The following FIGN variants were observed in gnomAD, a reference collection of about 807,000 sequenced individuals.
FIGN encodes the protein fidgetin.
Under a neutral mutation model 51.3 loss-of-function variants are expected in FIGN, and 11 were observed. That is an observed-to-expected ratio of 0.21 (90% CI 0.13 to 0.35). FIGN has a LOEUF of 0.35. FIGN is among the 10% of genes least tolerant of loss of function. The probability of loss-of-function intolerance (pLI) is 1.00; values close to 1 mark genes in which losing one functional copy is unlikely to be tolerated. For synonymous variants in FIGN, 407 were observed against 363.2 expected (o/e 1.12, Z -1.37); for missense variants, 857 against 943.6 (o/e 0.91, Z 1.20).
intron 2 of FIGN, among the ~76,000 whole-genome samples, chr2:163,660,858 CAT>C (rs1289524694): frequency 0.013 from 313 of 23,404 alleles, 18 homozygotes; most frequent in Middle Eastern, 0.029. Flanking sequence ...TATATGTATA[CAT>C]ATATATATAT....
Position 163,607,396 on chromosome 2 carries a change from T to C in FIGN, c.*2156A>G, listed in dbSNP as rs994916270. On this transcript the variant is annotated 3_prime_UTR_variant, in exon 3 of 3. Coordinates refer to ENST00000333129, the MANE Select transcript of FIGN (RefSeq NM_018086.4). ...TATTTATATTTAAGCACAGCTTTAATTGACAGAATGTCACAGTAAATTAAA... is the reference window on the plus strand; with the variant it reads ...TATTTATATTTAAGCACAGCTTTAACTGACAGAATGTCACAGTAAATTAAA... The C allele has an allele frequency of 1.1e-4, 17 of 152,300 alleles. No individual in the cohort carries two copies. The highest frequency in any genetic ancestry group is 3.4e-4 in the African/African-American group (14 of 41,456). The allele number at this position is 152,300 out of a possible 1,614,324, so 9.4% of individuals were successfully genotyped here. A position where few individuals can be genotyped will look rare whatever the true frequency, so the allele number is the denominator to read the frequency against.
chr2:163,650,636 G>A (rs918430327), intron 2 of FIGN, among the ~76,000 whole-genome samples: 2 of 151,560 alleles, frequency 1.3e-5, no homozygotes, highest in African/African-American at 2.4e-5. Flanking sequence ...TGAGAACATC[G>A]ATGTTTGGTT....
At position 163,719,006 on chromosome 2, in the gene FIGN, A is replaced by G. The variant is rs111616699; in HGVS notation, c.25+15897T>C. The stretch of plus-strand genomic sequence containing the variant: ...CCATACTTCAACAGCAGCTATATGA[A>G]TAATCATTGCCTGTCAATATCTTTT... On this transcript the variant is annotated intron_variant, in intron 2 of 2. Coordinates refer to ENST00000333129, the MANE Select transcript of FIGN (RefSeq NM_018086.4). Among the ~76,000 whole-genome samples, 28 of 152,282 alleles carry G rather than the reference A, an allele frequency of 1.8e-4. 1 individual carries two copies. The highest frequency in any genetic ancestry group is 6.5e-4 in the African/African-American group (27 of 41,562).
At chr2:163,660,950 C>T (rs867172777) in intron 2 of FIGN, among the ~76,000 whole-genome samples, 2 of 120,226 alleles carry the variant, frequency 1.7e-5, no homozygotes, top group South Asian at 2.7e-4. Flanking sequence ...GTGGCATGAT[C>T]TTGGCTCACT....
chr2:163,642,972 T>C (rs1683326236), intron 2 of FIGN, among the ~76,000 whole-genome samples: 1 of 152,192 alleles, frequency 6.6e-6, no homozygotes, highest in African/African-American at 2.4e-5. Flanking sequence ...CAAATTAATG[T>C]GTAGATTCAG....
intron 2 of FIGN, among the ~76,000 whole-genome samples, chr2:163,687,737 T>C (rs1284052108): frequency 6.6e-6 from 1 of 152,238 alleles, no homozygotes; most frequent in Non-Finnish European, 1.5e-5. Context: ...ATATATTTTT[T>C]ATCCTAATGC....
intron 2 of FIGN, among the ~76,000 whole-genome samples, chr2:163,705,674 C>A (rs1196216436): frequency 6.6e-6 from 1 of 150,960 alleles, no homozygotes; most frequent in Non-Finnish European, 1.5e-5. Flanking sequence ...AGATGTGATG[C>A]AAGATTACTC....
At chr2:163,677,984 A>G (rs1389402717) in intron 2 of FIGN, among the ~76,000 whole-genome samples, 1 of 152,212 alleles carries the variant, frequency 6.6e-6, no homozygotes, top group African/African-American at 2.4e-5. Context: ...ATTTTGAGAA[A>G]AGCTGAAAAG....
At chr2:163,669,031 T>TATATATATATATATAC (rs1683833031) in intron 2 of FIGN, among the ~76,000 whole-genome samples, 3 of 148,548 alleles carry the variant, frequency 2.0e-5, no homozygotes, top group African/African-American at 7.4e-5. Context: ...TATATATATA[T>TATATATATATATATAC]ATATACACTA....
intron 2 of FIGN, among the ~76,000 whole-genome samples, chr2:163,644,464 C>A (rs1029675125): frequency 6.6e-6 from 1 of 152,122 alleles, no homozygotes; most frequent in Non-Finnish European, 1.5e-5. Flanking sequence ...AAAATTAGAA[C>A]CCTCATACAC....
chr2:163,662,129 G>C (rs1475700035), intron 2 of FIGN, among the ~76,000 whole-genome samples: 1 of 152,168 alleles, frequency 6.6e-6, no homozygotes, highest in East Asian at 1.9e-4. Flanking sequence ...GCCCAAAATG[G>C]TGATATCAAT....
At chr2:163,632,692 CT>C (rs1324490278) in intron 2 of FIGN, among the ~76,000 whole-genome samples, 1 of 152,160 alleles carries the variant, frequency 6.6e-6, no homozygotes, top group Non-Finnish European at 1.5e-5. Flanking sequence ...CACTATGTTA[CT>C]TTCTAGGAAC....
At chr2:163,696,184 T>C (rs933377297) in intron 2 of FIGN, among the ~76,000 whole-genome samples, 41 of 151,936 alleles carry the variant, frequency 2.7e-4, no homozygotes, top group African/African-American at 9.7e-4. Flanking sequence ...AAAGAAACAG[T>C]GATCTAAAAA....
chr2:163,643,748 GT>G (rs1327938898), intron 2 of FIGN, among the ~76,000 whole-genome samples: 1 of 151,154 alleles, frequency 6.6e-6, no homozygotes, highest in Non-Finnish European at 1.5e-5. Context: ...GAAGTCAGGA[GT>G]TTGAGACTAG....
chr2:163,627,823 C>T (rs575995424), intron 2 of FIGN, among the ~76,000 whole-genome samples: 78 of 152,222 alleles, frequency 5.1e-4, no homozygotes, highest in African/African-American at 1.7e-3. Flanking sequence ...ACTTCTTTTC[C>T]TAGACCTTCC....
intron 2 of FIGN, among the ~76,000 whole-genome samples, chr2:163,722,468 A>G (rs540035563): frequency 9.8e-4 from 149 of 152,058 alleles, no homozygotes; most frequent in African/African-American, 3.4e-3. Flanking sequence ...ATTGGTAAGA[A>G]GTCAATCTGG....
In FIGN at chr2:163,611,180, C is replaced by T. The variant is rs769516578; in HGVS notation, c.652G>A (p.Gly218Arg). ...SPHPSPLHSSGLLQPPPPPPP... is the reference protein window; with the variant it reads ...SPHPSPLHSSRLLQPPPPPPP... ...GGTGGTGGTGGGGGCTGTAGTAGCC[C>T]AGAGCTATGCAAAGGAGACGGATGA... is the stretch of plus-strand genomic sequence containing the variant. The change falls in exon 3 of 3, where the codon GGG becomes AGG. Residue 218 changes from glycine to arginine, a missense_variant. Transcript: ENST00000333129. The T allele has an allele frequency of 1.2e-6, 2 of 1,613,998 alleles. No individual in the cohort carries two copies. Among genetic ancestry groups the T allele is most frequent in the East Asian group, 4.5e-5 (2 of 44,834 alleles).
At chr2:163,706,932 T>G (rs1684509179) in intron 2 of FIGN, among the ~76,000 whole-genome samples, 1 of 152,340 alleles carries the variant, frequency 6.6e-6, no homozygotes, top group African/African-American at 2.4e-5. Flanking sequence ...ACTTTCATAT[T>G]CCTGAATGTC....
In FIGN at chr2:163,609,599, G is replaced by T; in HGVS notation, c.2233C>A (p.Leu745Ile). The change falls in exon 3 of 3, where the codon CTT becomes ATT. Residue 745 changes from leucine (L) to isoleucine (I), a missense_variant. Transcript: ENST00000333129. ...TTGTTCCATTCAACATACATATCAA[G>T]CTCCTTTTGAGATATGCTAGGCTGA... The part of the protein sequence containing the change: ...KIQPSISQKE[L>I]DMYVEWNKMF... 1 of 1,613,864 alleles carries T rather than the reference G, an allele frequency of 6.2e-7. No individual in the cohort carries two copies. The highest frequency in any genetic ancestry group is 8.5e-7 in the Non-Finnish European group (1 of 1,179,974).
Sources: gnomAD v4.1 joint callset for allele counts (sites outside exome capture counted in the v4.1 genomes callset) on GRCh38, gnomAD v4.1.1 for gene constraint, MANE v1.5 for transcripts, NCBI Gene and HGNC (gene_info 2026-07-23, HGNC 2026-07-21) for gene names.